The following FAM135B variants were observed in gnomAD, a reference collection of about 807,000 sequenced individuals.
The protein encoded by FAM135B is family with sequence similarity 135 member B.
A neutral mutation model predicts 127.7 loss-of-function variants in FAM135B; 43 were observed. The observed-to-expected ratio is 0.34, with a 90% CI of 0.26 to 0.43. The LOEUF (loss-of-function observed/expected upper bound fraction) is 0.43. Ranked by LOEUF, FAM135B falls within the 20% of genes least tolerant of loss-of-function variation. The pLI is 1.00. For missense variants in FAM135B, 1,558 were observed against 1,725.6 expected (o/e 0.90, Z 1.72); for synonymous variants, 670 against 665.1 (o/e 1.01, Z -0.11).
intron 3 of FAM135B, among the ~76,000 whole-genome samples, chr8:138,275,078 C>A: frequency 6.6e-6 from 1 of 152,248 alleles, no homozygotes; most frequent in East Asian, 1.9e-4. Flanking sequence ...TCCATGAAAT[C>A]TTTACAATTT....
intron 2 of FAM135B, among the ~76,000 whole-genome samples, chr8:138,328,427 A>G (rs1563902760): frequency 6.6e-6 from 1 of 152,174 alleles, no homozygotes; most frequent in Non-Finnish European, 1.5e-5. Context: ...CAGGACATAA[A>G]TAACTCCCAC....
rs114454077 is a variant in FAM135B at position 138,461,307 on chromosome 8, C to T, written c.-20+35364G>A. On this transcript the variant is annotated intron_variant, in intron 1 of 19. Coordinates refer to ENST00000395297, the MANE Select transcript of FAM135B (RefSeq NM_015912.4). Reference sequence around the variant, plus strand: ...CATCCTGGTCATCAAGGAAACAACTCACCAATTCTCATTTGTAAAATAAGG... The same window carrying T: ...CATCCTGGTCATCAAGGAAACAACTTACCAATTCTCATTTGTAAAATAAGG... Among the ~76,000 whole-genome samples the T allele has an allele frequency of 1.3e-3, 197 of 152,240 alleles. 2 individuals carry two copies. The highest frequency in any genetic ancestry group is 4.0e-3 in the African/African-American group (166 of 41,540).
intron 1 of FAM135B, among the ~76,000 whole-genome samples, chr8:138,415,634 A>G (rs1834101715): frequency 6.6e-6 from 1 of 152,190 alleles, no homozygotes; most frequent in Non-Finnish European, 1.5e-5. Flanking sequence ...CTTCCCAAGG[A>G]AAAAAGCCGA....
At chr8:138,209,559 C>G (rs1817977653) in intron 7 of FAM135B, among the ~76,000 whole-genome samples, 1 of 152,112 alleles carries the variant, frequency 6.6e-6, no homozygotes, top group East Asian at 1.9e-4. Flanking sequence ...AATGGACAGA[C>G]TGATTCAGGT....
intron 2 of FAM135B, among the ~76,000 whole-genome samples, chr8:138,351,139 A>G (rs16908895): frequency 0.032 from 4,919 of 152,238 alleles, 158 homozygotes; most frequent in East Asian, 0.17. Flanking sequence ...TGTTCCCTCT[A>G]CACAAAACTA....
chr8:138,383,062 T>C (rs778522589), intron 1 of FAM135B, among the ~76,000 whole-genome samples: 27 of 152,112 alleles, frequency 1.8e-4, no homozygotes, highest in Non-Finnish European at 3.7e-4. Context: ...ATTTGAATGA[T>C]CATAGAGTAT....
At chr8:138,186,794 G>C (rs1009578642) in intron 9 of FAM135B, among the ~76,000 whole-genome samples, 2 of 152,184 alleles carry the variant, frequency 1.3e-5, no homozygotes, top group Non-Finnish European at 2.9e-5. Context: ...AAATATACTT[G>C]ATCAAGTCAT....
chr8:138,445,124 A>G (rs934531273), intron 1 of FAM135B, among the ~76,000 whole-genome samples: 6 of 152,226 alleles, frequency 3.9e-5, no homozygotes, highest in African/African-American at 1.2e-4. Context: ...ATCTCTGAAT[A>G]GATCAATAAC....
intron 3 of FAM135B, among the ~76,000 whole-genome samples, chr8:138,299,960 GTATT>G (rs900486450): frequency 7.3e-5 from 11 of 150,156 alleles, no homozygotes; most frequent in Middle Eastern, 3.6e-3. Context: ...AGTGAGAGTG[GTATT>G]TATTTATTTA....
chr8:138,336,491 A>G (rs979632706), intron 2 of FAM135B, among the ~76,000 whole-genome samples: 97 of 152,232 alleles, frequency 6.4e-4, no homozygotes, highest in Non-Finnish European at 1.1e-3. Flanking sequence ...CTACGCAAAT[A>G]AACTAGAAAA....
chr8:138,166,659 A>G (rs1819953849), intron 12 of FAM135B, among the ~76,000 whole-genome samples: 1 of 152,202 alleles, frequency 6.6e-6, no homozygotes, highest in Admixed American at 6.5e-5. Context: ...AAACTTACAG[A>G]CTTAAAACAC....
intron 1 of FAM135B, among the ~76,000 whole-genome samples, chr8:138,383,262 A>C (rs920541776): frequency 1.3e-5 from 2 of 152,208 alleles, no homozygotes; most frequent in African/African-American, 4.8e-5. Flanking sequence ...CTTTAAAGCC[A>C]GACATGCTTT....
chr8:138,191,756 A>G (rs954449117), intron 9 of FAM135B, among the ~76,000 whole-genome samples: 1 of 152,252 alleles, frequency 6.6e-6, no homozygotes, highest in Non-Finnish European at 1.5e-5. Flanking sequence ...GAACCTGGAC[A>G]TTTAACCATA....
chr8:138,301,334 C>T (rs1245956144), intron 3 of FAM135B, among the ~76,000 whole-genome samples: 1 of 152,176 alleles, frequency 6.6e-6, no homozygotes, highest in East Asian at 1.9e-4. Flanking sequence ...GGTCGTCTTG[C>T]CTCTTTTGGT....
chr8:138,141,290 A>T lies in FAM135B; in HGVS notation c.3698T>A (p.Phe1233Tyr), dbSNP rs2130596609. Residue 1233 changes from phenylalanine to tyrosine, a missense_variant, in exon 17 of 20, where the codon TTC becomes TAC. Coordinates refer to ENST00000395297, the MANE Select transcript of FAM135B (RefSeq NM_015912.4). This position sits in a 1 kb window ranked among gnomAD's most constrained non-coding sequence, Gnocchi z 4.7. Reference protein sequence around the residue: ...IIRSVLTRPRFRYYLNKLHTF... With the variant: ...IIRSVLTRPRYRYYLNKLHTF... ...GTGGAGTTTGTTGAGGTAATACCGG[A>T]ACCGGGGCCGTGTGAGGACCGATCG... is the stretch of plus-strand genomic sequence containing the variant. The T allele has an allele frequency of 6.2e-7, 1 of 1,614,166 alleles. No individual in the cohort carries two copies. Among genetic ancestry groups the T allele is most frequent in the Non-Finnish European group, 8.5e-7 (1 of 1,180,042 alleles).
intron 1 of FAM135B, among the ~76,000 whole-genome samples, chr8:138,485,550 A>T (rs1407407476): frequency 6.6e-6 from 1 of 152,228 alleles, no homozygotes; most frequent in Non-Finnish European, 1.5e-5. Context: ...AAATTTTATT[A>T]AAAATTCCTC....
intron 4 of FAM135B, 32 bp downstream of exon 4, chr8:138,265,671 T>C: frequency 2.5e-6 from 4 of 1,612,764 alleles, no homozygotes; most frequent in East Asian, 4.5e-5. Flanking sequence ...AGGGAACAGC[T>C]ACTTGTGGCT....
At position 138,164,036 on chromosome 8, in the gene FAM135B, CT is replaced by C. The variant is rs1007545542; in HGVS notation, c.1258+3858del. ...ATAGAAATGGAAATCTTTTATTTCCCTTTTTTCCTTACACTAGAAGAATGGA... is the reference window on the plus strand; with the variant it reads ...ATAGAAATGGAAATCTTTTATTTCCCTTTTTCCTTACACTAGAAGAATGGA... On this transcript the variant is annotated intron_variant, in intron 12 of 19. Transcript: ENST00000395297. Among the ~76,000 whole-genome samples, 19 of 151,314 alleles carry C rather than the reference CT, an allele frequency of 1.3e-4. 1 individual carries two copies. The highest frequency in any genetic ancestry group is 4.3e-4 in the African/African-American group (18 of 41,420).
At chr8:138,225,695 G>A (rs1445043009) in intron 7 of FAM135B, among the ~76,000 whole-genome samples, 1 of 152,126 alleles carries the variant, frequency 6.6e-6, no homozygotes, top group African/African-American at 2.4e-5. Context: ...ACCAAGTTAG[G>A]TCAGGGCAGA....
Sources: allele counts gnomAD v4.1 joint callset (sites outside exome capture counted in the v4.1 genomes callset), GRCh38; gene constraint gnomAD v4.1.1; non-coding constraint Gnocchi (gnomAD v3.1); transcripts MANE v1.5; gene names NCBI Gene and HGNC (gene_info 2026-07-23, HGNC 2026-07-21).